PDE11A: variants seen among roughly 807,000 people sequenced by gnomAD.
The protein encoded by PDE11A is phosphodiesterase 11A.
In PDE11A, 100 loss-of-function variants were observed where a neutral mutation model predicts 100.5. The observed-to-expected ratio is 1.00, with a 90% CI of 0.85 to 1.18. The LOEUF is 1.18. PDE11A is among the 50% of genes most tolerant of loss of function. PDE11A has a pLI of 0.00. For synonymous variants in PDE11A, 381 were observed against 420.8 expected (o/e 0.91, Z 1.16); for missense variants, 1,141 against 1,152.6 (o/e 0.99, Z 0.15).
chr2:177,900,846 A>G (rs533486855), intron 3 of PDE11A, among the ~76,000 whole-genome samples: 12 of 152,342 alleles, frequency 7.9e-5, no homozygotes, highest in Non-Finnish European at 8.8e-5. Flanking sequence ...CAATTGAAAG[A>G]GGACCAAATA....
intron 2 of PDE11A, among the ~76,000 whole-genome samples, chr2:177,906,084 G>A (rs2084780911): frequency 6.6e-6 from 1 of 152,168 alleles, no homozygotes; most frequent in Non-Finnish European, 1.5e-5. Context: ...GATGAAACAA[G>A]TGACATACTT....
intron 2 of PDE11A, among the ~76,000 whole-genome samples, chr2:178,084,106 C>A (rs1318628418): frequency 6.6e-6 from 1 of 152,152 alleles, no homozygotes; most frequent in Non-Finnish European, 1.5e-5. Flanking sequence ...TTTCTTTACT[C>A]AATAGTGTAT....
chr2:177,743,652 G>T (rs962049899), intron 10 of PDE11A, among the ~76,000 whole-genome samples: 1 of 152,210 alleles, frequency 6.6e-6, no homozygotes, highest in African/African-American at 2.4e-5. Context: ...GCTACCACCT[G>T]CAGTTAGTTT....
chr2:177,879,735 AT>A (rs2084298663), intron 4 of PDE11A, among the ~76,000 whole-genome samples: 1 of 152,220 alleles, frequency 6.6e-6, no homozygotes, highest in African/African-American at 2.4e-5. Context: ...GGAATAGGAA[AT>A]AATAGCGTTT....
At chr2:177,918,872 A>G (rs1160046122) in intron 2 of PDE11A, among the ~76,000 whole-genome samples, 2 of 152,188 alleles carry the variant, frequency 1.3e-5, no homozygotes, top group Non-Finnish European at 2.9e-5. Context: ...GGCTAGTCCA[A>G]ATGGCTTCAT....
At chr2:178,073,357 C>T (rs1379457194), upstream of PDE11A, among the ~76,000 whole-genome samples, 1 of 152,156 alleles carries the variant, frequency 6.6e-6, no homozygotes, top group Non-Finnish European at 1.5e-5. Flanking sequence ...GTGAGCAATT[C>T]ATGACTTTAA....
intron 5 of PDE11A, among the ~76,000 whole-genome samples, chr2:177,871,304 T>C (rs1425026081): frequency 6.6e-6 from 1 of 152,058 alleles, no homozygotes; most frequent in African/African-American, 2.4e-5. Context: ...CTTCTTCCCA[T>C]TTCTGCACAA....
intron 14 of PDE11A, among the ~76,000 whole-genome samples, chr2:177,699,267 C>G (rs1269647814): frequency 6.6e-6 from 1 of 152,150 alleles, no homozygotes; most frequent in Non-Finnish European, 1.5e-5. Context: ...CTGTGAGCAA[C>G]TGTAACGCAA....
At chr2:177,920,217 T>C (rs1351337465) in intron 2 of PDE11A, among the ~76,000 whole-genome samples, 1 of 152,046 alleles carries the variant, frequency 6.6e-6, no homozygotes, top group African/African-American at 2.4e-5. Context: ...TCACACTCAT[T>C]TAAAATTGAA....
intron 2 of PDE11A, among the ~76,000 whole-genome samples, chr2:178,086,333 G>A (rs1472721326): frequency 2.6e-5 from 4 of 152,022 alleles, no homozygotes; most frequent in East Asian, 3.9e-4. Flanking sequence ...AAGTCAACCC[G>A]GATTCAGCAT....
chr2:177,807,623 G>A (rs10190750), intron 9 of PDE11A, among the ~76,000 whole-genome samples: 4,051 of 151,942 alleles, frequency 0.027, 179 homozygotes, highest in African/African-American at 0.09. Context: ...ATGGGGTTTC[G>A]CCATGTTGCC....
At chr2:177,658,317 T>C (rs1435583402) in intron 19 of PDE11A, among the ~76,000 whole-genome samples, 2 of 152,164 alleles carry the variant, frequency 1.3e-5, no homozygotes, top group East Asian at 1.9e-4. Context: ...GTTTAAATAA[T>C]AGTCCCTGAA....
At chr2:178,086,975 G>A (rs116093115) in intron 2 of PDE11A, among the ~76,000 whole-genome samples, 1,990 of 152,306 alleles carry the variant, frequency 0.013, 38 homozygotes, top group African/African-American at 0.045. Flanking sequence ...ACCTGCATCT[G>A]TATGTTTATC....
At chr2:177,968,704 A>G (rs1249407316) in intron 2 of PDE11A, among the ~76,000 whole-genome samples, 1 of 152,252 alleles carries the variant, frequency 6.6e-6, no homozygotes, top group Non-Finnish European at 1.5e-5. Flanking sequence ...AATGCAAATC[A>G]AAACCACAAT....
At chr2:177,746,899 CATT>C (rs999620817) in intron 10 of PDE11A, among the ~76,000 whole-genome samples, 7 of 152,150 alleles carry the variant, frequency 4.6e-5, no homozygotes, top group African/African-American at 1.4e-4. Context: ...GATTATCTAA[CATT>C]AGCATCAAAT....
Position 177,626,910 on chromosome 2 carries a change from T to G in PDE11A, c.*2497A>C, listed in dbSNP as rs1266027465. The G allele has an allele frequency of 1.3e-5, 2 of 151,636 alleles. No homozygotes were observed. Among genetic ancestry groups the G allele is most frequent in the East Asian group, 3.9e-4 (2 of 5,186 alleles). 9.4% of individuals were successfully genotyped at this position (151,636 alleles called of 1,614,324 possible). ...GGATTGACTTTCACCTTTTTTTTTT[T>G]TTTTTCATTTCCCTTAACCACCTGT... On this transcript the variant is annotated 3_prime_UTR_variant, in exon 20 of 20. Coordinates refer to ENST00000286063, the MANE Select transcript of PDE11A (RefSeq NM_016953.4).
At chr2:178,102,669 C>T (rs2087574076) in intron 2 of PDE11A, among the ~76,000 whole-genome samples, 1 of 129,220 alleles carries the variant, frequency 7.7e-6, no homozygotes. Flanking sequence ...AGTAATCCTC[C>T]CACCTCAGCC....
intron 6 of PDE11A, among the ~76,000 whole-genome samples, chr2:177,837,723 A>G (rs1247685183): frequency 6.6e-6 from 1 of 152,068 alleles, no homozygotes; most frequent in African/African-American, 2.4e-5. Context: ...AAAACTGCTT[A>G]CCTCCTGCTT....
chr2:177,977,751 A>G (rs1460732089), intron 2 of PDE11A, among the ~76,000 whole-genome samples: 2 of 147,162 alleles, frequency 1.4e-5, no homozygotes, highest in Non-Finnish European at 3.0e-5. Flanking sequence ...ATATAGATCA[A>G]TGGAACAGAA....
Sources: allele counts gnomAD v4.1 joint callset (sites outside exome capture counted in the v4.1 genomes callset), GRCh38; gene constraint gnomAD v4.1.1; transcripts MANE v1.5; gene names NCBI Gene and HGNC (gene_info 2026-07-23, HGNC 2026-07-21).